The following KIRREL1 variants were observed in gnomAD, a reference collection of about 807,000 sequenced individuals.
KIRREL1 encodes kin of IRRE-like protein 1.
A neutral mutation model predicts 83.3 loss-of-function variants in KIRREL1; 25 were observed. The ratio of observed to expected loss-of-function variants is 0.30; its 90% confidence interval spans 0.22 to 0.42. The LOEUF (loss-of-function observed/expected upper bound fraction) is 0.42, where lower values mean the gene tolerates loss of function less well. Ranked by LOEUF, KIRREL1 falls within the 10% of genes least tolerant of loss-of-function variation. The pLI is 1.00. For synonymous variants in KIRREL1, 388 were observed against 410.4 expected, an observed-to-expected ratio of 0.95 and a Z score of 0.66; for missense variants, 812 against 1,032.3, an observed-to-expected ratio of 0.79 and a Z score of 2.92.
intron 1 of KIRREL1, among the ~76,000 whole-genome samples, chr1:157,994,390 G>C (rs918119879): frequency 2.3e-4 from 35 of 151,214 alleles, no homozygotes; most frequent in African/African-American, 5.8e-4. Flanking sequence ...GATACAGAGG[G>C]GGGGAACTCA....
intron 1 of KIRREL1, among the ~76,000 whole-genome samples, chr1:158,000,808 A>G (rs1373987910): frequency 6.6e-6 from 1 of 152,174 alleles, no homozygotes; most frequent in Non-Finnish European, 1.5e-5. Flanking sequence ...GTATTGAAAT[A>G]AATGAGCCTT....
chr1:158,002,226 G>A (rs1659380875), intron 1 of KIRREL1, among the ~76,000 whole-genome samples: 1 of 152,210 alleles, frequency 6.6e-6, no homozygotes, highest in Admixed American at 6.5e-5. Flanking sequence ...GGCAGTAACT[G>A]CGAGGAGAGC....
At position 158,011,588 on chromosome 1, in the gene KIRREL1, C is replaced by A. The variant is rs139840298; in HGVS notation, c.52+17860C>A. Among the ~76,000 whole-genome samples, 97 of 152,284 alleles carry A rather than the reference C, an allele frequency of 6.4e-4. 1 individual carries two copies. The Middle Eastern group carries it at 0.01, about 16-fold the overall frequency. ...TAGGGGAAGTAGAGGGTCTTATTGT[C>A]CCCTTTCTCAGGGGTAGGTCTGGTT... On this transcript the variant is annotated intron_variant, in intron 1 of 14. Coordinates refer to ENST00000359209, the MANE Select transcript of KIRREL1 (RefSeq NM_018240.7).
At chr1:158,040,533 A>G (rs1660596331) in intron 1 of KIRREL1, among the ~76,000 whole-genome samples, 1 of 152,286 alleles carries the variant, frequency 6.6e-6, no homozygotes, top group African/African-American at 2.4e-5. Flanking sequence ...TCAGCACTCT[A>G]TAAATATGGA....
At chr1:158,081,343 AG>A (rs777012947) in intron 3 of KIRREL1, among the ~76,000 whole-genome samples, 3 of 152,246 alleles carry the variant, frequency 2.0e-5, no homozygotes, top group Non-Finnish European at 4.4e-5. Flanking sequence ...ACTTTGTGGT[AG>A]GGATTAAATG....
chr1:158,075,058 C>T (rs1436090342), intron 1 of KIRREL1, among the ~76,000 whole-genome samples: 1 of 152,156 alleles, frequency 6.6e-6, no homozygotes, highest in Admixed American at 6.5e-5. Context: ...CCTTGTCCCC[C>T]TTCTCCTTTC....
At chr1:158,035,205 C>G (rs936651175) in intron 1 of KIRREL1, among the ~76,000 whole-genome samples, 1 of 152,152 alleles carries the variant, frequency 6.6e-6, no homozygotes, top group Non-Finnish European at 1.5e-5. Context: ...ACTTACCATC[C>G]GTCAGTTTCT....
rs528801056 is a variant in KIRREL1 at position 158,041,130 on chromosome 1, A to G, written c.53-34983A>G. On this transcript the variant is annotated intron_variant, in intron 1 of 14. Coordinates refer to ENST00000359209, the MANE Select transcript of KIRREL1 (RefSeq NM_018240.7). Reference sequence around the variant, plus strand: ...GGAATACAAAGATGAATTGAATAGGATCCCTGGGATAGACAGATAAATAGG... The same window carrying G: ...GGAATACAAAGATGAATTGAATAGGGTCCCTGGGATAGACAGATAAATAGG... 2.6e-4 allele frequency among the ~76,000 whole-genome samples: 40 copies of G among 152,294 alleles called. 1 individual carries two copies. In the South Asian group the frequency reaches 8.3e-3, roughly 32 times the overall value.
intron 1 of KIRREL1, among the ~76,000 whole-genome samples, chr1:158,012,771 C>A (rs1459014540): frequency 6.6e-6 from 1 of 152,246 alleles, no homozygotes; most frequent in Non-Finnish European, 1.5e-5. Context: ...CATTACCCGC[C>A]TAGTGCATGG....
intron 3 of KIRREL1, among the ~76,000 whole-genome samples, chr1:158,079,511 G>T (rs1373793551): frequency 6.6e-6 from 1 of 152,214 alleles, no homozygotes; most frequent in Non-Finnish European, 1.5e-5. Flanking sequence ...AGTAGAGACG[G>T]TGTTTCACCA....
chr1:158,079,469 G>A (rs763170774), intron 3 of KIRREL1, among the ~76,000 whole-genome samples: 3 of 152,300 alleles, frequency 2.0e-5, no homozygotes, highest in Middle Eastern at 3.4e-3. Context: ...ACAGGTGCCC[G>A]CCACCATGCC....
At chr1:158,088,819 C>T (rs1268301824) in intron 8 of KIRREL1, among the ~76,000 whole-genome samples, 4 of 152,052 alleles carry the variant, frequency 2.6e-5, no homozygotes, top group Admixed American at 6.5e-5. Context: ...GGAAGGGGTG[C>T]GGCCACAGAT....
chr1:158,086,903 A>G (rs942759526), intron 5 of KIRREL1, among the ~76,000 whole-genome samples, 157 bp downstream of exon 5: 4 of 152,066 alleles, frequency 2.6e-5, no homozygotes, highest in South Asian at 2.1e-4. Context: ...CCTGGATTGA[A>G]CCATGGGGAC....
chr1:158,020,285 A>G (rs1234652326), intron 1 of KIRREL1, among the ~76,000 whole-genome samples: 2 of 151,992 alleles, frequency 1.3e-5, no homozygotes, highest in Non-Finnish European at 2.9e-5. Context: ...ATCAGTCCCA[A>G]TGACCCCACT....
rs2101655704 is a variant in KIRREL1 at position 158,099,375 on chromosome 1, T to C, written c.*4255T>C. The C allele has an allele frequency of 6.6e-6, 1 of 152,348 alleles. No homozygotes were observed. The highest frequency in any genetic ancestry group is 1.5e-5 in the Non-Finnish European group (1 of 68,042). 9.4% of individuals were successfully genotyped at this position (152,348 alleles called of 1,614,324 possible). A position where few individuals can be genotyped will look rare whatever the true frequency, so the allele number is the denominator to read the frequency against. Reference sequence around the variant, plus strand: ...TCCTCCTATCCCCCTATGGTATTTCTCCTCCTCTCCTCAAGGCCAGGCTTT... The same window carrying C: ...TCCTCCTATCCCCCTATGGTATTTCCCCTCCTCTCCTCAAGGCCAGGCTTT... On this transcript the variant is annotated 3_prime_UTR_variant, in exon 15 of 15. Transcript: ENST00000359209.
chr1:158,031,771 G>A (rs1660333000), intron 1 of KIRREL1, among the ~76,000 whole-genome samples: 1 of 152,178 alleles, frequency 6.6e-6, no homozygotes, highest in South Asian at 2.1e-4. Flanking sequence ...AGATAAAGAA[G>A]ATTGAAAAGT....
chr1:157,998,379 T>TA (rs1175825514), intron 1 of KIRREL1, among the ~76,000 whole-genome samples: 1 of 152,218 alleles, frequency 6.6e-6, no homozygotes, highest in African/African-American at 2.4e-5. Flanking sequence ...CATTCAAATT[T>TA]AAAAAACAAT....
At chr1:158,086,400 G>T (rs1662013866) in intron 4 of KIRREL1, among the ~76,000 whole-genome samples, 196 bp from the exon 5 acceptor site, 1 of 148,502 alleles carries the variant, frequency 6.7e-6, no homozygotes, top group African/African-American at 2.5e-5. Flanking sequence ...TTAATTAAAA[G>T]ATAATTAGTA....
intron 1 of KIRREL1, among the ~76,000 whole-genome samples, chr1:158,011,380 G>C (rs56262318): frequency 2.0e-5 from 3 of 152,148 alleles, no homozygotes; most frequent in East Asian, 1.9e-4. Context: ...AAGCCCCAAG[G>C]CCTCTTCCTC....
Sources: gnomAD v4.1 joint callset for allele counts (sites outside exome capture counted in the v4.1 genomes callset) on GRCh38, gnomAD v4.1.1 for gene constraint, MANE v1.5 for transcripts, NCBI Gene and HGNC (gene_info 2026-07-23, HGNC 2026-07-21) for gene names.